Variants in SLCO1A2 observed in about 807,000 individuals in gnomAD.
SLCO1A2 encodes OATP-1.
SLCO1A2 carries 67 observed loss-of-function variants against 69.0 expected under a neutral mutation model. That is an observed-to-expected ratio of 0.97 (90% CI 0.80 to 1.19). The LOEUF is 1.19. Among genes scored for constraint, SLCO1A2 ranks in the 50% most tolerant of loss-of-function variants. SLCO1A2 has a pLI of 0.00. For missense variants in SLCO1A2, 787 were observed against 793.7 expected (o/e 0.99, Z 0.10); for synonymous variants, 260 against 265.9 (o/e 0.98, Z 0.22).
upstream of SLCO1A2, among the ~76,000 whole-genome samples, chr12:21,418,815 G>T (rs1942031153): frequency 6.6e-6 from 1 of 152,188 alleles, no homozygotes; most frequent in Middle Eastern, 3.4e-3. Flanking sequence ...AGTAGTGATG[G>T]TCTAGAACAG....
In SLCO1A2 at chr12:21,264,849, C is replaced by T. The variant is rs1473999167; in HGVS notation, c.*4699G>A. On this transcript the variant is annotated 3_prime_UTR_variant, in exon 15 of 15. Coordinates refer to ENST00000683939, the MANE Select transcript of SLCO1A2 (RefSeq NM_001386879.1). Reference sequence around the variant, plus strand: ...ACTAACTGTGCAGGAATATTTACAACAGTAAGACTGTGAAGTTGTGGCGTC... The same window carrying T: ...ACTAACTGTGCAGGAATATTTACAATAGTAAGACTGTGAAGTTGTGGCGTC... 6.6e-6 allele frequency: 1 copy of T among 152,190 alleles called. No individual in the cohort carries two copies. The allele number at this position is 152,190 out of a possible 1,614,324, so 9.4% of individuals were successfully genotyped here. A position where few individuals can be genotyped will look rare whatever the true frequency, so the allele number is the denominator to read the frequency against.
intron 2 of SLCO1A2, among the ~76,000 whole-genome samples, chr12:21,367,564 T>A (rs948916512): frequency 1.3e-5 from 2 of 151,960 alleles, no homozygotes; most frequent in African/African-American, 4.8e-5. Context: ...CTGAGACAAT[T>A]TGCAAGCCTA....
At chr12:21,311,168 G>A (rs548091480) in intron 4 of SLCO1A2, among the ~76,000 whole-genome samples, 42 of 152,120 alleles carry the variant, frequency 2.8e-4, no homozygotes, top group Non-Finnish European at 5.4e-4. Context: ...CACATCTTCA[G>A]GTTCCATCTT....
intron 2 of SLCO1A2, among the ~76,000 whole-genome samples, chr12:21,331,234 G>C (rs572860678): frequency 1.3e-5 from 2 of 151,384 alleles, no homozygotes; most frequent in East Asian, 2.0e-4. Context: ...TGTTTTAAGG[G>C]GTTCAAGTCA....
At chr12:21,290,010 T>G (rs1203468942) in intron 12 of SLCO1A2, among the ~76,000 whole-genome samples, 1 of 151,418 alleles carries the variant, frequency 6.6e-6, no homozygotes, top group Admixed American at 6.6e-5. Flanking sequence ...TTTTTCTCAG[T>G]GTGTGTGTGT....
chr12:21,387,839 C>T (rs946836487), intron 1 of SLCO1A2, among the ~76,000 whole-genome samples: 36 of 152,264 alleles, frequency 2.4e-4, no homozygotes, highest in African/African-American at 8.4e-4. Context: ...GCCACAGACA[C>T]GCAACACCAG....
intron 13 of SLCO1A2, chr12:21,274,894 A>G: frequency 7.5e-6 from 8 of 1,060,426 alleles, no homozygotes; most frequent in Non-Finnish European, 9.1e-6. Flanking sequence ...ATTTGGGCAG[A>G]GCATTTTCTT....
intron 2 of SLCO1A2, among the ~76,000 whole-genome samples, chr12:21,331,130 T>C (rs930920389): frequency 2.0e-5 from 3 of 152,106 alleles, no homozygotes; most frequent in Admixed American, 2.0e-4. Context: ...TAATTTACCT[T>C]TGAATAAGAA....
At chr12:21,307,612 T>C (rs957124922) in intron 4 of SLCO1A2, among the ~76,000 whole-genome samples, 1 of 152,220 alleles carries the variant, frequency 6.6e-6, no homozygotes, top group Non-Finnish European at 1.5e-5. Flanking sequence ...GACCATTTAA[T>C]TTAAGCAAAT....
intron 2 of SLCO1A2, among the ~76,000 whole-genome samples, chr12:21,350,629 G>T (rs1214022795): frequency 1.3e-5 from 2 of 151,896 alleles, no homozygotes; most frequent in African/African-American, 4.8e-5. Flanking sequence ...GAGGTCAGAA[G>T]ATCGAGACCA....
rs148004100 is a variant in SLCO1A2 at position 21,265,974 on chromosome 12, G to A, written c.*3574C>T. 2.4e-4 allele frequency: 36 copies of A among 152,260 alleles called. No homozygotes were observed. Among genetic ancestry groups the A allele is most frequent in the African/African-American group, 8.7e-4 (36 of 41,558 alleles). The allele number at this position is 152,260 out of a possible 1,614,324, so 9.4% of individuals were successfully genotyped here. On this transcript the variant is annotated 3_prime_UTR_variant, in exon 15 of 15. Transcript: ENST00000683939. Reference sequence around the variant, plus strand: ...ATAATCACCTTGGTTCAAGGAGCATGAGTGATTTTTAGATGGTGAACGTTC... The same window carrying A: ...ATAATCACCTTGGTTCAAGGAGCATAAGTGATTTTTAGATGGTGAACGTTC...
intron 14 of SLCO1A2, among the ~76,000 whole-genome samples, chr12:21,271,402 A>G (rs1194466265): frequency 6.6e-6 from 1 of 151,732 alleles, no homozygotes; most frequent in Admixed American, 6.6e-5. Flanking sequence ...TTGTCTTTTA[A>G]TCAAGAAAAG....
chr12:21,359,771 C>T (rs1398984054), intron 2 of SLCO1A2, among the ~76,000 whole-genome samples: 1 of 151,724 alleles, frequency 6.6e-6, no homozygotes, highest in Non-Finnish European at 1.5e-5. Flanking sequence ...AATCAATGGA[C>T]TTCTTACCTC....
At chr12:21,342,194 C>T (rs1440693564) in intron 2 of SLCO1A2, among the ~76,000 whole-genome samples, 1 of 152,016 alleles carries the variant, frequency 6.6e-6, no homozygotes, top group Non-Finnish European at 1.5e-5. Flanking sequence ...TTATACATTT[C>T]TCTCAAGATT....
intron 4 of SLCO1A2, among the ~76,000 whole-genome samples, chr12:21,310,850 G>A (rs780459409): frequency 2.0e-5 from 3 of 152,132 alleles, no homozygotes; most frequent in South Asian, 2.1e-4. Context: ...TGATCCGCCC[G>A]CCTTGGCCTT....
At chr12:21,390,624 A>G (rs1941104329) in intron 1 of SLCO1A2, among the ~76,000 whole-genome samples, 1 of 152,162 alleles carries the variant, frequency 6.6e-6, no homozygotes, top group African/African-American at 2.4e-5. Flanking sequence ...TGCTACTGCA[A>G]CAATGGAATT....
intron 3 of SLCO1A2, among the ~76,000 whole-genome samples, chr12:21,318,408 C>T (rs1951161548): frequency 6.6e-6 from 1 of 152,112 alleles, no homozygotes; most frequent in South Asian, 2.1e-4. Flanking sequence ...CATGAGCCAC[C>T]TCGCCCGGCG....
At chr12:21,281,283 C>T (rs752250884) in intron 12 of SLCO1A2, among the ~76,000 whole-genome samples, 2 of 152,004 alleles carry the variant, frequency 1.3e-5, no homozygotes, top group Non-Finnish European at 2.9e-5. Context: ...AATCCCGTCT[C>T]TACTAAAAAT....
At chr12:21,295,158 A>G (rs1320703403) in intron 10 of SLCO1A2, 1 of 152,718 alleles carries the variant, frequency 6.5e-6, no homozygotes, top group Admixed American at 6.5e-5. Flanking sequence ...ATCATGTATT[A>G]TGATTTAGTT....
Sources: allele counts gnomAD v4.1 joint callset (sites outside exome capture counted in the v4.1 genomes callset), GRCh38; gene constraint gnomAD v4.1.1; transcripts MANE v1.5; gene names NCBI Gene and HGNC (gene_info 2026-07-23, HGNC 2026-07-21).